Variants in USH2A observed in about 807,000 individuals in gnomAD.
USH2A encodes Usher syndrome 2A (autosomal recessive, mild).
A neutral mutation model predicts 538.9 loss-of-function variants in USH2A; 443 were observed. That is an observed-to-expected ratio of 0.82 (90% confidence interval 0.76 to 0.89). The LOEUF (loss-of-function observed/expected upper bound fraction) is 0.89. Among genes scored for constraint, USH2A ranks in the 40% least tolerant of loss-of-function variants. The probability of loss-of-function intolerance (pLI) is 0.00; values close to 1 mark genes in which losing one functional copy is unlikely to be tolerated. For synonymous variants in USH2A, 2,413 were observed against 2,273.5 expected (o/e 1.06, Z -1.75); for missense variants, 6,633 against 6,324.8 (o/e 1.05, Z -1.65).
intron 40 of USH2A, among the ~76,000 whole-genome samples, chr1:215,894,250 T>C (rs1665271634): frequency 6.6e-6 from 1 of 152,200 alleles, no homozygotes; most frequent in African/African-American, 2.4e-5. Flanking sequence ...TGTTCCACTC[T>C]CATTTAAAAA....
chr1:216,237,085 A>G (rs1335448597), intron 13 of USH2A, among the ~76,000 whole-genome samples: 4 of 152,176 alleles, frequency 2.6e-5, no homozygotes, highest in African/African-American at 4.8e-5. Context: ...TATCAAATGC[A>G]TGCTCTAAAG....
Position 215,844,391 on chromosome 1 carries a change from G to A in USH2A, c.9161C>T (p.Ser3054Phe). 6.2e-7 allele frequency: 1 copy of A among 1,613,686 alleles called. No homozygotes were observed. The highest frequency in any genetic ancestry group is 1.3e-5 in the African/African-American group (1 of 75,006). Reference sequence around the variant, plus strand: ...GTAGAGCTTATTATTTACATAGATAGAATACTCAGTGACAACACCATTTGG... The same window carrying A: ...GTAGAGCTTATTATTTACATAGATAAAATACTCAGTGACAACACCATTTGG... The part of the protein sequence containing the change: ...SNPNGVVTEY[S>F]IYVNNKLYKT... Residue 3054 changes from serine (S) to phenylalanine (F), a missense_variant, in exon 46 of 72, where the codon TCT (serine) becomes TTT (phenylalanine). Coordinates refer to ENST00000307340, the MANE Select transcript of USH2A (RefSeq NM_206933.4).
intron 61 of USH2A, among the ~76,000 whole-genome samples, chr1:215,690,746 C>CT (rs1341023484): frequency 4.0e-5 from 6 of 150,706 alleles, no homozygotes; most frequent in Admixed American, 6.6e-5. Flanking sequence ...TTTTTCACAT[C>CT]TACTCTACTC....
Position 216,083,543 on chromosome 1 carries a change from G to A in USH2A, c.5211C>T (p.Asn1737=), listed in dbSNP as rs1386279386. The A allele has an allele frequency of 7.4e-6, 12 of 1,612,120 alleles. No individual in the cohort carries two copies. Among genetic ancestry groups the A allele is most frequent in the Non-Finnish European group, 9.3e-6 (11 of 1,179,060 alleles). ...TTCTGAACTTAAAGGAAATCTCAAA[G>A]TTCATTCCACCATGAAACATATATG... ...LHPYMFHGGM[N]FEISFKFRTD... The change falls in exon 26 of 72, where the codon AAC becomes AAT. Residue 1737 remains asparagine, a synonymous_variant. Transcript: ENST00000307340.
chr1:216,211,055 C>T (rs975526419), intron 15 of USH2A, among the ~76,000 whole-genome samples: 1 of 152,014 alleles, frequency 6.6e-6, no homozygotes, highest in Non-Finnish European at 1.5e-5. Flanking sequence ...TAGTTTAACA[C>T]GTGGAAGTTC....
intron 58 of USH2A, among the ~76,000 whole-genome samples, chr1:215,745,427 A>G (rs1660443709): frequency 6.6e-6 from 1 of 152,026 alleles, no homozygotes; most frequent in African/African-American, 2.4e-5. Flanking sequence ...AACAAGAGTC[A>G]TTTCAATGCA....
intron 43 of USH2A, among the ~76,000 whole-genome samples, chr1:215,867,916 C>A (rs965575518): frequency 6.6e-6 from 1 of 152,044 alleles, no homozygotes; most frequent in African/African-American, 2.4e-5. Flanking sequence ...CAGTTTTGGG[C>A]AGAAGACCAT....
chr1:216,252,636 G>A (rs2036185688), intron 11 of USH2A, among the ~76,000 whole-genome samples: 1 of 152,116 alleles, frequency 6.6e-6, no homozygotes, highest in Admixed American at 6.5e-5. Flanking sequence ...AAAATAAATG[G>A]TTATATGCAA....
chr1:215,638,328 A>C (rs1052348103), intron 69 of USH2A, among the ~76,000 whole-genome samples: 26 of 152,292 alleles, frequency 1.7e-4, no homozygotes, highest in Non-Finnish European at 1.5e-5. Context: ...GCATTTTAAG[A>C]GTACATTCTG....
intron 4 of USH2A, among the ~76,000 whole-genome samples, chr1:216,360,916 T>C (rs1196648591): frequency 1.3e-5 from 2 of 152,002 alleles, no homozygotes; most frequent in African/African-American, 4.8e-5. Context: ...TTTATGAAAA[T>C]TGAAAAACTG....
intron 47 of USH2A, among the ~76,000 whole-genome samples, chr1:215,828,649 C>T (rs1323201898): frequency 6.6e-6 from 1 of 152,130 alleles, no homozygotes; most frequent in Admixed American, 6.6e-5. Flanking sequence ...ATACCTCACA[C>T]TCCTTATCAA....
At chr1:215,809,456 C>CAAA (rs5780854) in intron 49 of USH2A, among the ~76,000 whole-genome samples, 27 of 143,470 alleles carry the variant, frequency 1.9e-4, no homozygotes, top group African/African-American at 6.7e-4. Flanking sequence ...GAAAAGTCTT[C>CAAA]AAAAAAAAAA....
intron 37 of USH2A, among the ~76,000 whole-genome samples, chr1:215,944,559 C>A (rs550661011): frequency 1.8e-4 from 28 of 152,132 alleles, no homozygotes; most frequent in African/African-American, 6.5e-4. Context: ...TTAATAAATG[C>A]AAATTACTGA....
chr1:216,324,031 G>T (rs2037674062), intron 7 of USH2A, 137 bp downstream of exon 7: 29 of 928,536 alleles, frequency 3.1e-5, no homozygotes, highest in Non-Finnish European at 4.6e-5. Flanking sequence ...GCCCAATTTA[G>T]GGATAAGACT....
At chr1:215,743,365 T>TAA in intron 58 of USH2A, 30 bp from the exon 59 acceptor site, 2 of 1,055,306 alleles carry the variant, frequency 1.9e-6, no homozygotes, top group Non-Finnish European at 2.7e-6. Flanking sequence ...GAGAGAACAT[T>TAA]AAAAACATAT....
chr1:216,109,398 A>AT (rs1422585648), intron 21 of USH2A, among the ~76,000 whole-genome samples: 1 of 152,172 alleles, frequency 6.6e-6, no homozygotes, highest in Non-Finnish European at 1.5e-5. Flanking sequence ...TTAGCCTCAG[A>AT]TATGGAAGCT....
rs557210465 is a variant in USH2A at position 216,384,137 on chromosome 1, A to G, written c.652-19052T>C. 3.3e-5 allele frequency among the ~76,000 whole-genome samples: 5 copies of G among 151,472 alleles called. No homozygotes were observed. The East Asian group carries it at 7.7e-4, about 23-fold the overall frequency. ...CTGCCTATGCTTTCTTTCTTTTTTT[A>G]TAACTATGACATAAACCTGCAAGTT... On this transcript the variant is annotated intron_variant, in intron 3 of 71. Coordinates refer to ENST00000307340, the MANE Select transcript of USH2A (RefSeq NM_206933.4).
At chr1:215,834,860 T>A (rs1205149721) in intron 47 of USH2A, among the ~76,000 whole-genome samples, 1 of 151,900 alleles carries the variant, frequency 6.6e-6, no homozygotes, top group Non-Finnish European at 1.5e-5. Context: ...ATACTCTCTA[T>A]TGTTTTTTCT....
chr1:215,627,978 G>A (rs576769279), intron 71 of USH2A, among the ~76,000 whole-genome samples: 3 of 152,250 alleles, frequency 2.0e-5, no homozygotes, highest in East Asian at 1.9e-4. Flanking sequence ...GTTATATCAC[G>A]AAGAGGTTAC....
Sources: gnomAD v4.1 joint callset for allele counts (sites outside exome capture counted in the v4.1 genomes callset) on GRCh38, gnomAD v4.1.1 for gene constraint, MANE v1.5 for transcripts, NCBI Gene and HGNC (gene_info 2026-07-23, HGNC 2026-07-21) for gene names.